Variants in FRMD1 observed in about 807,000 individuals in gnomAD.
FRMD1 encodes FERM domain-containing protein 1.
Under a neutral mutation model 54.9 loss-of-function variants are expected in FRMD1, and 51 were observed. The observed-to-expected ratio is 0.93, with a 90% CI of 0.74 to 1.17. The LOEUF (loss-of-function observed/expected upper bound fraction) is 1.17. Ranked by LOEUF, FRMD1 falls within the 50% of genes most tolerant of loss-of-function variation. The probability of loss-of-function intolerance (pLI) is 0.00; values close to 1 mark genes in which losing one functional copy is unlikely to be tolerated. For missense variants in FRMD1, 729 were observed against 743.0 expected, an observed-to-expected ratio of 0.98 and a Z score of 0.22; for synonymous variants, 324 against 306.4, an observed-to-expected ratio of 1.06 and a Z score of -0.60.
At chr6:168,058,276 C>T (rs13206920) in intron 10 of FRMD1, among the ~76,000 whole-genome samples, 7,067 of 18,374 alleles carry the variant, frequency 0.38, 1,343 homozygotes, top group South Asian at 0.5. Flanking sequence ...ATCCAGCCTC[C>T]CGTGCCCAGC....
At position 168,055,338 on chromosome 6, in the gene FRMD1, C is replaced by T. The variant is rs6914996; in HGVS notation, c.*1759G>A. The T allele has an allele frequency of 0.26, 38,958 of 152,594 alleles. 5,643 individuals are homozygous for T. Among genetic ancestry groups the T allele is most frequent in the African/African-American group, 0.41 (16,889 of 41,348 alleles). 9.5% of individuals were successfully genotyped at this position (152,594 alleles called of 1,614,324 possible). ...ATGTGTGCATGTGTGTGTGTGCATG[C>T]GTGTGCATCTGTGTGCAGATGTGTG... On this transcript the variant is annotated 3_prime_UTR_variant, in exon 11 of 11. Coordinates refer to ENST00000283309, the MANE Select transcript of FRMD1 (RefSeq NM_024919.6).
intron 6 of FRMD1, 31 bp downstream of exon 6, chr6:168,063,570 C>A: frequency 6.3e-7 from 1 of 1,583,384 alleles, no homozygotes; most frequent in Non-Finnish European, 8.6e-7. Flanking sequence ...GAGTCAGAGT[C>A]CAGCCCATCG....
chr6:168,057,736 A>AAT, intron 10 of FRMD1: 1 of 217,002 alleles, frequency 4.6e-6, no homozygotes, highest in South Asian at 6.6e-5. Flanking sequence ...GTCTGGGTTC[A>AAT]GAGGTGACTG....
chr6:168,086,344 C>T (rs574074754), upstream of FRMD1, among the ~76,000 whole-genome samples: 1 of 151,674 alleles, frequency 6.6e-6, no homozygotes. Flanking sequence ...CCCGTGTGGA[C>T]ACCCATGTGC....
At chr6:168,064,802 G>A in intron 5 of FRMD1, 69 bp downstream of exon 5, 2 of 1,500,448 alleles carry the variant, frequency 1.3e-6, no homozygotes, top group Non-Finnish European at 1.8e-6. Context: ...TGCTCCCATG[G>A]ATGGCACCCG....
chr6:168,069,409 G>A (rs1800190581), intron 2 of FRMD1, among the ~76,000 whole-genome samples: 2 of 152,186 alleles, frequency 1.3e-5, no homozygotes, highest in Admixed American at 1.3e-4. Context: ...CCAATGCCCG[G>A]TCTAAGCAAA....
intron 2 of FRMD1, 102 bp from the exon 3 acceptor site, chr6:168,067,548 C>A: frequency 1.4e-6 from 1 of 725,792 alleles, no homozygotes; most frequent in Non-Finnish European, 2.4e-6. Flanking sequence ...AGATGCACAG[C>A]TGAAAACTGT....
intron 7 of FRMD1, 22 bp from the exon 8 acceptor site, chr6:168,062,003 T>C (rs773932595): frequency 8.4e-5 from 133 of 1,575,948 alleles, no homozygotes; most frequent in Middle Eastern, 6.6e-4. Flanking sequence ...GGAGAGAAGT[T>C]GCCACTCCAC....
rs536431360 is a variant in FRMD1 at position 168,061,821 on chromosome 6, C to G, written c.1031G>C (p.Arg344Pro). 9 of 1,557,582 alleles carry G rather than the reference C, an allele frequency of 5.8e-6. No homozygotes were observed. The highest frequency in any genetic ancestry group is 2.4e-5 in the East Asian group (1 of 41,628). The change falls in exon 8 of 11, where the codon CGG (arginine) becomes CCG (proline). Residue 344 changes from arginine to proline, a missense_variant. Arg to Pro is a moderately radical substitution (Grantham distance 103). Transcript: ENST00000283309. ...VRPTLQQLRQ[R>P]EEAEEKQHYR... ...CCCAGCCCCACCTTCTGCCTCCTCC[C>G]GCTGCCGCAGCTGTTGCAGAGTGGG...
At chr6:168,081,575 A>C, upstream of FRMD1, 3 of 1,414,796 alleles carry the variant, frequency 2.1e-6, no homozygotes, top group Non-Finnish European at 9.3e-7. Context: ...TGCTGAGAAC[A>C]TTCTAGAACT....
Position 168,078,902 on chromosome 6 carries a change from G to T in FRMD1, c.193C>A (p.Gln65Lys). 6.3e-7 allele frequency: 1 copy of T among 1,594,288 alleles called. No individual in the cohort carries two copies. ...CTCACCCCCACGGCCAGCCGCAGTT[G>T]CTCCCGGCTGGGCAGCAGCACGAGG... Reference protein sequence around the residue: ...DVLVLLPSREQLRLAVGVKAT... With the variant: ...DVLVLLPSREKLRLAVGVKAT... Residue 65 changes from glutamine to lysine, a missense_variant, in exon 1 of 11, where the codon CAA becomes AAA. Physicochemically the swap from Gln to Lys is moderately conservative, Grantham distance 53. Transcript: ENST00000283309.
At chr6:168,075,087 G>A (rs142280513) in intron 2 of FRMD1, among the ~76,000 whole-genome samples, 158 bp downstream of exon 2, 36 of 152,136 alleles carry the variant, frequency 2.4e-4, no homozygotes, top group African/African-American at 5.3e-4. Flanking sequence ...CATGTGAGTG[G>A]TGTGTAACTG....
At chr6:168,072,217 C>G (rs922736281) in intron 2 of FRMD1, among the ~76,000 whole-genome samples, 4 of 152,164 alleles carry the variant, frequency 2.6e-5, no homozygotes, top group African/African-American at 9.7e-5. Context: ...TGCCCTGCAC[C>G]CCCTGCTGGG....
rs747800760 is a variant in FRMD1, at chr6:168,078,895, C to T, written c.200G>A (p.Arg67Gln). ...LVLLPSREQL[R>Q]LAVGVKATGR... ...GGCCCTGCTCACCCCCACGGCCAGCCGCAGTTGCTCCCGGCTGGGCAGCAG... is the reference window on the plus strand; with the variant it reads ...GGCCCTGCTCACCCCCACGGCCAGCTGCAGTTGCTCCCGGCTGGGCAGCAG... The change falls in exon 1 of 11, where the codon CGG (arginine) becomes CAG (glutamine). Residue 67 changes from arginine to glutamine, a missense_variant. By Grantham distance (43) the Arg-to-Gln change is conservative. Coordinates refer to ENST00000283309, the MANE Select transcript of FRMD1 (RefSeq NM_024919.6). 1.0e-4 allele frequency: 161 copies of T among 1,592,806 alleles called. 1 individual carries two copies. Among genetic ancestry groups the T allele is most frequent in the Middle Eastern group, 1.7e-4 (1 of 6,042 alleles).
chr6:168,065,424 G>A, intron 4 of FRMD1: 1 of 1,028,842 alleles, frequency 9.7e-7, no homozygotes, highest in Non-Finnish European at 1.2e-6. Context: ...TGGACAACTT[G>A]AATCCCTGGA....
Position 168,057,105 on chromosome 6 carries a change from CA to C in FRMD1, c.1641del (p.Phe547LeufsTer105). On this transcript the variant is annotated frameshift_variant, in exon 11 of 11. Coordinates refer to ENST00000283309, the MANE Select transcript of FRMD1 (RefSeq NM_024919.6). LOFTEE classifies it high-confidence loss of function. ...TGCTGGGTGGGTGGTGCCTACACCACAAACTCCTGTGGTGGAGCCTCTCCGA... is the reference window on the plus strand; with the variant it reads ...TGCTGGGTGGGTGGTGCCTACACCACAACTCCTGTGGTGGAGCCTCTCCGA... Reference protein sequence around the residue: ...DLFGEAPPQEFVV With the variant: ...DLFGEAPPQEXVV 4 of 1,479,788 alleles carry C rather than the reference CA, an allele frequency of 2.7e-6. No homozygotes were observed. Among genetic ancestry groups the C allele is most frequent in the Non-Finnish European group, 3.6e-6 (4 of 1,111,510 alleles). The allele number at this position is 1,479,788 out of a possible 1,614,324, so 91.7% of individuals were successfully genotyped here. A position where few individuals can be genotyped will look rare whatever the true frequency, so the allele number is the denominator to read the frequency against.
chr6:168,079,700 C>A (rs1371018775), upstream of FRMD1, among the ~76,000 whole-genome samples: 1 of 152,164 alleles, frequency 6.6e-6, no homozygotes, highest in Non-Finnish European at 1.5e-5. Context: ...CCTTTAGGGG[C>A]TGGAAACTGA....
At chr6:168,078,820 C>G (rs1369055760) in intron 1 of FRMD1, 62 bp downstream of exon 1, 2 of 1,145,558 alleles carry the variant, frequency 1.7e-6, no homozygotes, top group Non-Finnish European at 2.2e-6. Flanking sequence ...CCACGGCCAC[C>G]CGGAGCCCTG....
intron 10 of FRMD1, chr6:168,057,679 C>CA (rs1175911069): frequency 1.7e-5 from 5 of 289,238 alleles, no homozygotes; most frequent in African/African-American, 1.1e-4. Flanking sequence ...GCTCTGGAAG[C>CA]ACCTCAGTGG....
Sources: gnomAD v4.1 joint callset for allele counts (sites outside exome capture counted in the v4.1 genomes callset) on GRCh38, gnomAD v4.1.1 for gene constraint, MANE v1.5 for transcripts, NCBI Gene and HGNC (gene_info 2026-07-23, HGNC 2026-07-21) for gene names.